TNR: variants seen among roughly 807,000 people sequenced by gnomAD.
TNR encodes tenascin R.
In TNR, 45 loss-of-function variants were observed where a neutral mutation model predicts 150.4. The observed-to-expected ratio is 0.30, with a 90% confidence interval of 0.24 to 0.38. The LOEUF is 0.38. TNR is among the 10% of genes least tolerant of loss of function. The probability of loss-of-function intolerance (pLI) is 1.00; values close to 1 mark genes in which losing one functional copy is unlikely to be tolerated. For missense variants in TNR, 1,544 were observed against 1,759.1 expected (o/e 0.88, Z 2.19); for synonymous variants, 687 against 678.4 (o/e 1.01, Z -0.20).
intron 2 of TNR, among the ~76,000 whole-genome samples, chr1:175,431,911 A>ATCTCTCTCTCTCTCTCTCTCTCCTTCTC (rs1553221257): frequency 5.1e-5 from 7 of 136,470 alleles, no homozygotes; most frequent in African/African-American, 9.1e-5. Context: ...GGACCATAAT[A>ATCTCTCTCTCTCTCTCTCTCTCCTTCTC]TCTCTCTCTC....
intron 1 of TNR, among the ~76,000 whole-genome samples, chr1:175,725,388 C>G (rs1251218171): frequency 1.3e-5 from 2 of 152,206 alleles, no homozygotes; most frequent in Admixed American, 1.3e-4. Flanking sequence ...TGACAGTCAT[C>G]ACCATGAAAA....
At chr1:175,605,813 T>G (rs1663387091) in intron 1 of TNR, among the ~76,000 whole-genome samples, 1 of 152,222 alleles carries the variant, frequency 6.6e-6, no homozygotes, top group Admixed American at 6.5e-5. Flanking sequence ...CATGACAGCT[T>G]TCTCATCTTT....
At chr1:175,352,591 A>C (rs1235270553) in intron 18 of TNR, among the ~76,000 whole-genome samples, 1 of 152,222 alleles carries the variant, frequency 6.6e-6, no homozygotes, top group African/African-American at 2.4e-5. Flanking sequence ...TTGCAAGAGC[A>C]TGGAGGGGGA....
chr1:175,390,370 TTC>T (rs1557902571), intron 7 of TNR, among the ~76,000 whole-genome samples: 1 of 152,242 alleles, frequency 6.6e-6, no homozygotes. Context: ...CTATCTCAAT[TTC>T]TGTTACTGAC....
intron 1 of TNR, among the ~76,000 whole-genome samples, chr1:175,558,331 T>TAA (rs1289060499): frequency 1.1e-4 from 16 of 152,308 alleles, no homozygotes; most frequent in African/African-American, 3.6e-4. Flanking sequence ...TTAAAATAAT[T>TAA]ATCTTATATC....
chr1:175,481,752 C>T (rs1004650399), intron 2 of TNR, among the ~76,000 whole-genome samples: 3 of 152,098 alleles, frequency 2.0e-5, no homozygotes, highest in South Asian at 4.1e-4. Context: ...GACAGTATTC[C>T]AGGTCATCCT....
At chr1:175,529,700 G>C (rs548764790) in intron 1 of TNR, among the ~76,000 whole-genome samples, 1 of 152,348 alleles carries the variant, frequency 6.6e-6, no homozygotes, top group East Asian at 1.9e-4. Context: ...TTGGGGGGCA[G>C]ATAGCTCTGA....
At chr1:175,408,013 A>G (rs860903) in intron 2 of TNR, among the ~76,000 whole-genome samples, 105,019 of 152,054 alleles carry the variant, frequency 0.69, 36,628 homozygotes, top group East Asian at 0.83. Context: ...TTTTCTCCAT[A>G]AGCATTTGTC....
chr1:175,370,430 C>T (rs930543294), intron 9 of TNR, among the ~76,000 whole-genome samples: 6 of 136,966 alleles, frequency 4.4e-5, no homozygotes, highest in Admixed American at 1.7e-4. Flanking sequence ...GTCCTGGGTG[C>T]ACCTGTTGAC....
intron 1 of TNR, among the ~76,000 whole-genome samples, chr1:175,740,191 T>G (rs909741): frequency 0.11 from 17,039 of 152,200 alleles, 1,380 homozygotes; most frequent in East Asian, 0.23. Context: ...CCACATCTAT[T>G]AAGTAATACA....
intron 1 of TNR, among the ~76,000 whole-genome samples, chr1:175,699,133 G>T (rs773402562): frequency 1.1e-4 from 16 of 152,100 alleles, no homozygotes; most frequent in Non-Finnish European, 2.9e-5. Flanking sequence ...AGCCAGCAGG[G>T]TTTGCTAATG....
intron 2 of TNR, among the ~76,000 whole-genome samples, chr1:175,428,166 C>G (rs1002779968): frequency 6.6e-6 from 1 of 152,292 alleles, no homozygotes; most frequent in East Asian, 1.9e-4. Flanking sequence ...CAACAGTAAA[C>G]CAATGCCTTG....
intron 10 of TNR, among the ~76,000 whole-genome samples, chr1:175,366,891 G>A (rs1244825913): frequency 6.6e-6 from 1 of 152,222 alleles, no homozygotes; most frequent in Non-Finnish European, 1.5e-5. Flanking sequence ...TGTCGGGGTG[G>A]TCTAGATAAA....
intron 1 of TNR, among the ~76,000 whole-genome samples, chr1:175,669,894 C>T (rs1665643616): frequency 6.6e-6 from 1 of 152,356 alleles, no homozygotes; most frequent in South Asian, 2.1e-4. Context: ...CAGGGACTCT[C>T]TCTGCACCTT....
intron 9 of TNR, 151 bp from the exon 10 acceptor site, chr1:175,367,448 C>A: frequency 1.4e-6 from 1 of 717,806 alleles, no homozygotes. Flanking sequence ...TAAGAAATCC[C>A]AATTTCACTA....
chr1:175,633,860 T>C (rs1209672906), intron 1 of TNR, among the ~76,000 whole-genome samples: 1 of 152,132 alleles, frequency 6.6e-6, no homozygotes, highest in Non-Finnish European at 1.5e-5. Context: ...AGACCAGATA[T>C]GGTTCTGGCA....
intron 2 of TNR, among the ~76,000 whole-genome samples, chr1:175,498,753 A>C (rs1191516676): frequency 2.6e-5 from 4 of 152,238 alleles, no homozygotes; most frequent in Non-Finnish European, 4.4e-5. Context: ...GTGGGGATTC[A>C]AAACCTGACG....
At chr1:175,450,921 T>C (rs935311881) in intron 2 of TNR, among the ~76,000 whole-genome samples, 2 of 152,204 alleles carry the variant, frequency 1.3e-5, no homozygotes, top group African/African-American at 4.8e-5. Context: ...AGTAATTTCC[T>C]CCACCATTCT....
chr1:175,316,157 G>GC lies in TNR; in HGVS notation c.*7199dup. ...TTATGTCTGGAGTTTTGGCCTGGCA[G>GC]CTAAAAATACCAGGTTGCCAAGTAC... On this transcript the variant is annotated 3_prime_UTR_variant, in exon 23 of 23. Transcript: ENST00000367674. 1 of 152,176 alleles carries GC rather than the reference G, an allele frequency of 6.6e-6. No homozygotes were observed. Among genetic ancestry groups the GC allele is most frequent in the African/African-American group, 2.4e-5 (1 of 41,434 alleles). The allele number at this position is 152,176 out of a possible 1,614,324, so 9.4% of individuals were successfully genotyped here.
Sources: gnomAD v4.1 joint callset for allele counts (sites outside exome capture counted in the v4.1 genomes callset) on GRCh38, gnomAD v4.1.1 for gene constraint, MANE v1.5 for transcripts, NCBI Gene and HGNC (gene_info 2026-07-23, HGNC 2026-07-21) for gene names.